The following CHN1 variants were observed in gnomAD, a reference collection of about 807,000 sequenced individuals.
CHN1 encodes the protein chimerin 1.
In CHN1, 37 loss-of-function variants were observed where a neutral mutation model predicts 59.5. That is an observed-to-expected ratio of 0.62 (90% confidence interval 0.48 to 0.82). The LOEUF is 0.82. Ranked by LOEUF, CHN1 falls within the 40% of genes least tolerant of loss-of-function variation. CHN1 has a pLI of 0.00. For missense variants in CHN1, 469 were observed against 571.0 expected (o/e 0.82, Z 1.82); for synonymous variants, 206 against 200.4 (o/e 1.03, Z -0.24).
chr2:174,935,181 T>A (rs1689460833), intron 3 of CHN1, among the ~76,000 whole-genome samples: 1 of 152,194 alleles, frequency 6.6e-6, no homozygotes, highest in African/African-American at 2.4e-5. Context: ...TACATATGTA[T>A]CAAGGTAAGT....
At chr2:174,911,420 T>C (rs938053403) in intron 5 of CHN1, among the ~76,000 whole-genome samples, 2 of 152,188 alleles carry the variant, frequency 1.3e-5, no homozygotes, top group Non-Finnish European at 2.9e-5. Context: ...CTGGCTAGCA[T>C]CTTCTTTTCA....
chr2:174,834,109 A>G (rs1185945702), intron 7 of CHN1, among the ~76,000 whole-genome samples: 2 of 152,148 alleles, frequency 1.3e-5, no homozygotes, highest in African/African-American at 2.4e-5. Context: ...CCCAGTCTAC[A>G]ATATACACCT....
Position 174,799,477 on chromosome 2 carries a change from A to T in CHN1, c.*639T>A, listed in dbSNP as rs1684645017. ...CAAATTACAACTGAAAACCAATAAT[A>T]ATTTAACAGAAAATGCTGTGTTGTA... is the stretch of plus-strand genomic sequence containing the variant. On this transcript the variant is annotated 3_prime_UTR_variant, in exon 13 of 13. Transcript: ENST00000409900. The T allele has an allele frequency of 4.1e-6, 2 of 484,094 alleles. No homozygotes were observed. The highest frequency in any genetic ancestry group is 1.9e-5 in the African/African-American group (1 of 51,314). The allele number at this position is 484,094 out of a possible 1,614,324, so 30.0% of individuals were successfully genotyped here.
chr2:174,843,608 G>A (rs540111574), intron 7 of CHN1, among the ~76,000 whole-genome samples: 11 of 151,466 alleles, frequency 7.3e-5, no homozygotes, highest in African/African-American at 1.7e-4. Context: ...TCATGCTAAG[G>A]TTTTCAATCA....
At position 174,877,854 on chromosome 2, in the gene CHN1, C is replaced by T. The variant is rs368672805; in HGVS notation, c.535G>A (p.Val179Met). The T allele has an allele frequency of 2.2e-5, 35 of 1,611,904 alleles. No homozygotes were observed. In the Admixed American group the frequency reaches 4.5e-4, roughly 21 times the overall value. Residue 179 changes from valine to methionine, a missense_variant, in exon 6 of 13, where the codon GTG becomes ATG. By Grantham distance (21) the Val-to-Met change is conservative. Transcript: ENST00000409900. ...TAGTAGCTTACCCTTTTCTCTGACA[C>T]CCCATCCTGGCCTGTAGAATCTCTC... is the stretch of plus-strand genomic sequence containing the variant. ...DERDSTGQDG[V>M]SEKRLTSLVR...
At position 174,890,252 on chromosome 2, in the gene CHN1, C is replaced by T. The variant is rs1688007668; in HGVS notation, c.261-12124G>A. ...CAAAGATACACCATGCAAATGGTAA[C>T]CAAAGGAAGGCAGGTGACCATACTT... is the stretch of plus-strand genomic sequence containing the variant. On this transcript the variant is annotated intron_variant, in intron 5 of 12. Transcript: ENST00000409900. Among the ~76,000 whole-genome samples, 5 of 152,086 alleles carry T rather than the reference C, an allele frequency of 3.3e-5. No individual in the cohort carries two copies. The South Asian group carries it at 1.0e-3, about 32-fold the overall frequency.
chr2:174,875,186 T>TC (rs1405279531), intron 6 of CHN1, among the ~76,000 whole-genome samples: 3 of 152,116 alleles, frequency 2.0e-5, no homozygotes, highest in Non-Finnish European at 4.4e-5. Context: ...GGATCAAACT[T>TC]TTAAAAAAAC....
intron 3 of CHN1, among the ~76,000 whole-genome samples, chr2:174,942,919 C>T (rs1019943505): frequency 2.6e-5 from 4 of 151,888 alleles, no homozygotes; most frequent in Admixed American, 1.3e-4. Context: ...GACATGGTGG[C>T]ACATGCCTGT....
At chr2:174,918,641 G>A (rs1688918311) in intron 3 of CHN1, 76 bp from the exon 4 acceptor site, 1 of 1,186,836 alleles carries the variant, frequency 8.4e-7, no homozygotes, top group African/African-American at 1.5e-5. Flanking sequence ...TTTTGTGCAT[G>A]TGACAAAGTA....
intron 5 of CHN1, among the ~76,000 whole-genome samples, chr2:174,886,299 T>A (rs1389831519): frequency 6.6e-6 from 1 of 152,232 alleles, no homozygotes; most frequent in African/African-American, 2.4e-5. Flanking sequence ...CAATTTAACA[T>A]TTTTCTTGGT....
chr2:174,882,040 A>G (rs1176589660), intron 5 of CHN1, among the ~76,000 whole-genome samples: 2 of 152,218 alleles, frequency 1.3e-5, no homozygotes, highest in Non-Finnish European at 2.9e-5. Context: ...TTTGACTTTT[A>G]TAAGATAATT....
intron 3 of CHN1, among the ~76,000 whole-genome samples, chr2:174,930,124 A>G (rs1689291740): frequency 6.6e-6 from 1 of 152,202 alleles, no homozygotes; most frequent in Non-Finnish European, 1.5e-5. Context: ...ACTTTTTTAT[A>G]CCAGCAGATA....
intron 6 of CHN1, among the ~76,000 whole-genome samples, chr2:174,875,306 G>A (rs1405195156): frequency 6.6e-6 from 1 of 152,126 alleles, no homozygotes; most frequent in East Asian, 1.9e-4. Context: ...TGAAGAAACT[G>A]AAGTCCAGAC....
intron 1 of CHN1, among the ~76,000 whole-genome samples, chr2:174,990,402 CTCTG>C (rs1479850085): frequency 2.0e-5 from 3 of 152,128 alleles, no homozygotes; most frequent in Non-Finnish European, 4.4e-5. Flanking sequence ...GCAAGAGCTC[CTCTG>C]TCTGGAGAGA....
chr2:174,852,221 A>G (rs187310117), intron 6 of CHN1, among the ~76,000 whole-genome samples: 1 of 152,064 alleles, frequency 6.6e-6, no homozygotes, highest in Non-Finnish European at 1.5e-5. Flanking sequence ...CCTGGGAGGC[A>G]GTGGTTGCAG....
At position 174,945,174 on chromosome 2, in the gene CHN1, T is replaced by A. The variant is rs1689787495; in HGVS notation, c.59-231A>T. On this transcript the variant is annotated intron_variant, in intron 2 of 12. Transcript: ENST00000409900. ...TCCAAACAAGTGTCTTTTTACCTTA[T>A]AACAAGTCAGTGCTGGATATTTGGC... 5.7e-6 allele frequency: 3 copies of A among 524,584 alleles called. No individual in the cohort carries two copies. In the Admixed American group the frequency reaches 9.6e-5, roughly 17 times the overall value. 32.5% of individuals were successfully genotyped at this position (524,584 alleles called of 1,614,324 possible).
intron 1 of CHN1, among the ~76,000 whole-genome samples, chr2:174,971,122 T>C (rs1387298379): frequency 6.6e-6 from 1 of 152,120 alleles, no homozygotes; most frequent in Non-Finnish European, 1.5e-5. Context: ...ATTGAGACCA[T>C]CCTGGCTAAC....
rs1574266106 is a variant in CHN1, at chr2:175,005,205, C to A, written c.-293G>T. ...CGGAGCGTGCGCGCGGGAGGAGGTA[C>A]CTGCGAGGCAGGAGGCTTGGCCGCG... On this transcript the variant is annotated 5_prime_UTR_variant, in exon 1 of 13. Coordinates refer to ENST00000409900, the MANE Select transcript of CHN1 (RefSeq NM_001822.7). The A allele has an allele frequency of 1.6e-6, 2 of 1,224,108 alleles. No individual in the cohort carries two copies. Among genetic ancestry groups the A allele is most frequent in the South Asian group, 2.1e-5 (1 of 47,170 alleles). 75.8% of individuals were successfully genotyped at this position (1,224,108 alleles called of 1,614,324 possible).
At chr2:174,995,293 GAAC>G (rs1691671658) in intron 1 of CHN1, among the ~76,000 whole-genome samples, 1 of 152,108 alleles carries the variant, frequency 6.6e-6, no homozygotes, top group Non-Finnish European at 1.5e-5. Context: ...AAAATTAAAT[GAAC>G]AACTCCAGAA....
Sources: allele counts gnomAD v4.1 joint callset (sites outside exome capture counted in the v4.1 genomes callset), GRCh38; gene constraint gnomAD v4.1.1; transcripts MANE v1.5; gene names NCBI Gene and HGNC (gene_info 2026-07-23, HGNC 2026-07-21).